The following MROH1 variants were observed in gnomAD, a reference collection of about 807,000 sequenced individuals.
MROH1 encodes the protein maestro heat-like repeat-containing protein family member 1.
A neutral mutation model predicts 116.5 loss-of-function variants in MROH1; 117 were observed. That is an observed-to-expected ratio of 1.00 (90% CI 0.86 to 1.17). MROH1 has a LOEUF of 1.17. Ranked by LOEUF, MROH1 falls within the 50% of genes most tolerant of loss-of-function variation. The pLI is 0.00. For synonymous variants in MROH1, 921 were observed against 583.9 expected (o/e 1.58, Z -8.32); for missense variants, 1,873 against 1,338.5 (o/e 1.40, Z -6.23).
intron 3 of MROH1, 124 bp from the exon 4 acceptor site, chr8:144,168,171 C>A: frequency 8.6e-7 from 1 of 1,161,990 alleles, no homozygotes; most frequent in Non-Finnish European, 1.2e-6. Context: ...CAGCTGTGCC[C>A]TCTCCTGCTC....
chr8:144,205,148 C>A (rs963564955), intron 12 of MROH1, among the ~76,000 whole-genome samples: 1 of 152,180 alleles, frequency 6.6e-6, no homozygotes, highest in Admixed American at 6.5e-5. Context: ...CCTTGGCCTC[C>A]CAAAGTACTG....
At chr8:144,192,485 G>A (rs1828882661) in intron 10 of MROH1, 84 bp downstream of exon 10, 1 of 1,254,508 alleles carries the variant, frequency 8.0e-7, no homozygotes, top group Non-Finnish European at 1.1e-6. Flanking sequence ...CAGAAAGCAA[G>A]TTGGGGTGGA....
intron 14 of MROH1, among the ~76,000 whole-genome samples, chr8:144,229,175 C>T (rs924232102): frequency 6.6e-6 from 1 of 152,118 alleles, no homozygotes; most frequent in Non-Finnish European, 1.5e-5. Flanking sequence ...ATGTCTTGAC[C>T]CTGTCAAAGT....
At chr8:144,247,119 C>T (rs1338223938) in intron 29 of MROH1, among the ~76,000 whole-genome samples, 182 bp from the exon 30 acceptor site, 9 of 152,138 alleles carry the variant, frequency 5.9e-5, no homozygotes, top group South Asian at 2.1e-4. Context: ...GCAGCGCCCA[C>T]GCTGCAGCAG....
intron 12 of MROH1, among the ~76,000 whole-genome samples, chr8:144,210,450 G>A (rs1407549168): frequency 6.6e-6 from 1 of 152,090 alleles, no homozygotes; most frequent in East Asian, 1.9e-4. Context: ...CCAGCACTTT[G>A]GGAGGCCAAG....
chr8:144,164,330 G>A (rs530189475), intron 3 of MROH1, among the ~76,000 whole-genome samples: 26 of 151,328 alleles, frequency 1.7e-4, no homozygotes, highest in South Asian at 8.4e-4. Context: ...GCTTGAACTC[G>A]GGAGGCGGAG....
chr8:144,150,404 C>G (rs1413238745), intron 1 of MROH1, among the ~76,000 whole-genome samples: 2 of 152,134 alleles, frequency 1.3e-5, no homozygotes, highest in Non-Finnish European at 2.9e-5. Context: ...TTTCTGACAT[C>G]CCCATTATAT....
chr8:144,216,814 C>T (rs909046734), intron 12 of MROH1, among the ~76,000 whole-genome samples: 15 of 151,964 alleles, frequency 9.9e-5, no homozygotes, highest in East Asian at 9.7e-4. Flanking sequence ...CTCAGCTTCC[C>T]GAGTAGCTGG....
At chr8:144,154,770 C>CA (rs1223633931) in intron 1 of MROH1, among the ~76,000 whole-genome samples, 2 of 151,434 alleles carry the variant, frequency 1.3e-5, no homozygotes, top group Non-Finnish European at 2.9e-5. Flanking sequence ...TGGGTTCAAG[C>CA]AATTCTGCCT....
chr8:144,180,273 G>C lies in MROH1; in HGVS notation c.396G>C (p.Arg132Ser), dbSNP rs201630249. 1.7e-5 allele frequency: 27 copies of C among 1,610,828 alleles called. No homozygotes were observed. The East Asian group carries it at 3.6e-4, about 21-fold the overall frequency. ...ISKVMEELLR[R>S]LHPGTLPHCA... Reference sequence around the variant, plus strand: ...AGGTGATGGAGGAGCTGCTGCGCAGGCTGCACCCTGGGACCCTGCCACACT... The same window carrying C: ...AGGTGATGGAGGAGCTGCTGCGCAGCCTGCACCCTGGGACCCTGCCACACT... The change falls in exon 6 of 44, where the codon AGG (arginine) becomes AGC (serine). Residue 132 changes from arginine (R) to serine (S), a missense_variant. Arg to Ser is a moderately radical substitution (Grantham distance 110). Coordinates refer to ENST00000326134, the MANE Select transcript of MROH1 (RefSeq NM_032450.3). The surrounding 1 kb of genome is among the most constrained non-coding windows in gnomAD (Gnocchi z 7.4).
At chr8:144,174,013 G>A (rs998268436) in intron 4 of MROH1, among the ~76,000 whole-genome samples, 5 of 152,110 alleles carry the variant, frequency 3.3e-5, no homozygotes, top group African/African-American at 1.2e-4. Context: ...CTGTCTCTTC[G>A]CCCAAGTTAG....
At chr8:144,158,294 A>G (rs1232944190) in intron 1 of MROH1, among the ~76,000 whole-genome samples, 3 of 150,890 alleles carry the variant, frequency 2.0e-5, no homozygotes, top group Admixed American at 6.6e-5. Context: ...CGCCTGGCCA[A>G]TTTTTCTATT....
chr8:144,183,132 C>T (rs1453375973), intron 7 of MROH1, among the ~76,000 whole-genome samples: 1 of 152,046 alleles, frequency 6.6e-6, no homozygotes, highest in Non-Finnish European at 1.5e-5. Flanking sequence ...AATCCCAGTA[C>T]TTTGGGAGGC....
At position 144,168,431 on chromosome 8, in the gene MROH1, G is replaced by C. The variant is rs1022471963; in HGVS notation, c.159G>C (p.Gln53His). ...TLRACEEYLRQHDKLAHPYRA... is the reference protein window; with the variant it reads ...TLRACEEYLRHHDKLAHPYRA... ...GTGCCTGCGAGGAGTATCTGCGGCA[G>C]CATGACAAGGTATGTGTGCTCCTTG... Residue 53 changes from glutamine (Q) to histidine (H), a missense_variant, in exon 4 of 44, where the codon CAG (glutamine) becomes CAC (histidine). Gln to His is a conservative substitution (Grantham distance 24). Coordinates refer to ENST00000326134, the MANE Select transcript of MROH1 (RefSeq NM_032450.3). The C allele has an allele frequency of 6.2e-7, 1 of 1,607,266 alleles. No individual in the cohort carries two copies. Among genetic ancestry groups the C allele is most frequent in the Non-Finnish European group, 8.5e-7 (1 of 1,177,492 alleles).
chr8:144,153,540 TTTTC>T (rs2130569620), intron 1 of MROH1, among the ~76,000 whole-genome samples: 1 of 152,244 alleles, frequency 6.6e-6, no homozygotes, highest in African/African-American at 2.4e-5. Flanking sequence ...ATATACCACA[TTTTC>T]TTTGTTTTAT....
chr8:144,258,796 C>A lies in MROH1; in HGVS notation c.3811C>A (p.Arg1271=). 2.6e-6 allele frequency: 2 copies of A among 767,832 alleles called. No homozygotes were observed. The highest frequency in any genetic ancestry group is 4.8e-6 in the Non-Finnish European group (2 of 413,908). 47.6% of individuals were successfully genotyped at this position (767,832 alleles called of 1,614,324 possible). A position where few individuals can be genotyped will look rare whatever the true frequency, so the allele number is the denominator to read the frequency against. ...EPCSSAVDTL[R]SMLLRSGSED... Reference sequence around the variant, plus strand: ...CTGCAGCTCTGCAGTGGACACCCTGCGGTCCATGCTACTCCGCAGCGGCAG... The same window carrying A: ...CTGCAGCTCTGCAGTGGACACCCTGAGGTCCATGCTACTCCGCAGCGGCAG... The change falls in exon 36 of 44, where the codon CGG becomes AGG. Residue 1271 remains arginine, a synonymous_variant. Transcript: ENST00000326134.
intron 10 of MROH1, among the ~76,000 whole-genome samples, chr8:144,197,684 C>T (rs1199057281): frequency 1.3e-5 from 2 of 150,096 alleles, no homozygotes; most frequent in African/African-American, 2.4e-5. Flanking sequence ...ATCCGCCCAC[C>T]TCGGCCTCCC....
At chr8:144,196,368 T>C (rs549567580) in intron 10 of MROH1, among the ~76,000 whole-genome samples, 1 of 152,004 alleles carries the variant, frequency 6.6e-6, no homozygotes, top group East Asian at 1.9e-4. Flanking sequence ...ATTATTATTA[T>C]TATTGAGACA....
intron 13 of MROH1, among the ~76,000 whole-genome samples, chr8:144,221,447 G>T (rs1235760715): frequency 1.3e-5 from 2 of 152,020 alleles, no homozygotes; most frequent in Non-Finnish European, 2.9e-5. Context: ...TTGCACCCAG[G>T]TTACCCAGGG....
Sources: allele counts gnomAD v4.1 joint callset (sites outside exome capture counted in the v4.1 genomes callset), GRCh38; gene constraint gnomAD v4.1.1; non-coding constraint Gnocchi (gnomAD v3.1); transcripts MANE v1.5; gene names NCBI Gene and HGNC (gene_info 2026-07-23, HGNC 2026-07-21).